SLC28A3: variants seen among roughly 807,000 people sequenced by gnomAD.
SLC28A3 encodes the protein solute carrier family 28 member 3.
A neutral mutation model predicts 84.2 loss-of-function variants in SLC28A3; 68 were observed. That is an observed-to-expected ratio of 0.81 (90% confidence interval 0.66 to 0.99). The LOEUF is 0.99. SLC28A3 is among the 50% of genes least tolerant of loss of function. SLC28A3 has a pLI of 0.00. For synonymous variants in SLC28A3, 267 were observed against 303.6 expected, an observed-to-expected ratio of 0.88 and a Z score of 1.25; for missense variants, 712 against 841.5, an observed-to-expected ratio of 0.85 and a Z score of 1.90.
the SLC28A3 span, among the ~76,000 whole-genome samples, chr9:84,357,748 T>G: frequency 6.6e-6 from 1 of 152,132 alleles, no homozygotes; most frequent in Non-Finnish European, 1.5e-5. Context: ...AAATAGCCCA[T>G]GAGGCTCAGA....
At chr9:84,298,441 C>T (rs1013662454) in intron 6 of SLC28A3, among the ~76,000 whole-genome samples, 7 of 152,088 alleles carry the variant, frequency 4.6e-5, no homozygotes, top group African/African-American at 1.2e-4. Flanking sequence ...GAGCTGAGAT[C>T]GCGCCACTTC....
At chr9:84,294,828 C>T (rs1007084087) in intron 8 of SLC28A3, among the ~76,000 whole-genome samples, 5 of 152,086 alleles carry the variant, frequency 3.3e-5, no homozygotes, top group African/African-American at 4.8e-5. Context: ...AACCTGGGAG[C>T]GGCCATTCCA....
the SLC28A3 span, among the ~76,000 whole-genome samples, chr9:84,363,940 T>C: frequency 2.6e-5 from 4 of 152,076 alleles, no homozygotes; most frequent in Admixed American, 6.6e-5. Flanking sequence ...ATTATCTTTT[T>C]TCATAGATTT....
chr9:84,292,526 G>A, intron 10 of SLC28A3, 142 bp downstream of exon 10: 1 of 572,354 alleles, frequency 1.7e-6, no homozygotes, highest in Non-Finnish European at 3.0e-6. Context: ...CTGGAATCCG[G>A]ACATTGCCAA....
chr9:84,330,953 A>G (rs189567254), intron 1 of SLC28A3, among the ~76,000 whole-genome samples: 1 of 152,264 alleles, frequency 6.6e-6, no homozygotes, highest in East Asian at 1.9e-4. Context: ...CTTTATCTAC[A>G]TTATTAATTA....
At chr9:84,283,464 G>GTACC (rs1824847938) in intron 14 of SLC28A3, among the ~76,000 whole-genome samples, 1 of 152,360 alleles carries the variant, frequency 6.6e-6, no homozygotes, top group East Asian at 1.9e-4. Context: ...ATGTGGAAAG[G>GTACC]TACCTGAGAC....
At chr9:84,290,066 CT>C in intron 11 of SLC28A3, 87 bp downstream of exon 11, 8 of 1,537,004 alleles carry the variant, frequency 5.2e-6, no homozygotes, top group South Asian at 1.2e-5. Context: ...TCTTGGCCTC[CT>C]TTTTCCACCA....
chr9:84,305,111 T>A (rs1391019570), intron 4 of SLC28A3, 143 bp downstream of exon 4: 2 of 712,408 alleles, frequency 2.8e-6, no homozygotes, highest in Non-Finnish European at 4.6e-6. Flanking sequence ...CTTGATTTAC[T>A]TCTCTACCAC....
Position 84,340,568 on chromosome 9 carries a change from G to A in SLC28A3, c.60+6C>T. 5 of 1,614,152 alleles carry A rather than the reference G, an allele frequency of 3.1e-6. No individual in the cohort carries two copies. Among genetic ancestry groups the A allele is most frequent in the South Asian group, 1.1e-5 (1 of 91,084 alleles). On this transcript the variant is annotated splice_donor_region_variant and intron_variant, in intron 1 of 17. Transcript: ENST00000376238. ...GCCTTTAACATAAGAGGAAAGCTCT[G>A]CTCACCTGGAAGCCCACGTTGCTGT...
In SLC28A3 at chr9:84,285,792, A is replaced by C. The variant is rs1824958635; in HGVS notation, c.1449+151T>G. ...AAGGAGGGGGATAGGAGACAGAGAA[A>C]AGGTGGGTGGGAAGTTGGGGGATGC... On this transcript the variant is annotated intron_variant, in intron 13 of 17. Transcript: ENST00000376238. 6 of 966,016 alleles carry C rather than the reference A, an allele frequency of 6.2e-6. No individual in the cohort carries two copies. In the East Asian group the frequency reaches 1.6e-4, roughly 25 times the overall value. The allele number at this position is 966,016 out of a possible 1,614,324, so 59.8% of individuals were successfully genotyped here.
Position 84,285,614 on chromosome 9 carries a change from A to G in SLC28A3, c.1450-72T>C, listed in dbSNP as rs1824950361. 5 of 1,456,540 alleles carry G rather than the reference A, an allele frequency of 3.4e-6. No homozygotes were observed. The Admixed American group carries it at 8.5e-5, about 25-fold the overall frequency. 90.2% of individuals were successfully genotyped at this position (1,456,540 alleles called of 1,614,324 possible). ...TCAGTTTTGCCTCCTCAGTGACAAC[A>G]CTGTTCCTGACCCCTCTGTCTCCTT... On this transcript the variant is annotated intron_variant, in intron 13 of 17. Coordinates refer to ENST00000376238, the MANE Select transcript of SLC28A3 (RefSeq NM_001199633.2).
At chr9:84,313,982 C>G (rs975398005) in intron 1 of SLC28A3, among the ~76,000 whole-genome samples, 4 of 151,986 alleles carry the variant, frequency 2.6e-5, no homozygotes, top group African/African-American at 7.3e-5. Flanking sequence ...GGACAATTGC[C>G]CTCATCTCGG....
At chr9:84,368,156 G>A in the SLC28A3 span, among the ~76,000 whole-genome samples, 9 of 152,094 alleles carry the variant, frequency 5.9e-5, no homozygotes, top group African/African-American at 1.4e-4. Flanking sequence ...ACAGTGCATC[G>A]TGTCCCTGGT....
intron 5 of SLC28A3, among the ~76,000 whole-genome samples, chr9:84,301,369 A>AAG (rs1554725714): frequency 2.0e-4 from 26 of 132,436 alleles, no homozygotes; most frequent in African/African-American, 6.6e-4. Context: ...AAAAAAAAAA[A>AAG]AAAAAGAAAA....
chr9:84,280,956 C>A, intron 14 of SLC28A3, 74 bp from the exon 15 acceptor site: 1 of 1,358,874 alleles, frequency 7.4e-7, no homozygotes, highest in South Asian at 1.2e-5. Context: ...AACTGGGCTT[C>A]ATTTTGACCA....
intron 1 of SLC28A3, among the ~76,000 whole-genome samples, chr9:84,323,494 G>A (rs553295244): frequency 2.0e-5 from 3 of 149,142 alleles, no homozygotes; most frequent in South Asian, 4.2e-4. Context: ...GCATGATCTC[G>A]GCTCACTGCA....
chr9:84,277,958 C>T lies in SLC28A3; in HGVS notation c.*260G>A. On this transcript the variant is annotated 3_prime_UTR_variant, in exon 18 of 18. Transcript: ENST00000376238. ...TTGCAAACATTAAAGTCAGAAAATC[C>T]CATTGAGACTGGAATCAACAACACC... 1 of 429,764 alleles carries T rather than the reference C, an allele frequency of 2.3e-6. No homozygotes were observed. Among genetic ancestry groups the T allele is most frequent in the South Asian group, 4.1e-5 (1 of 24,568 alleles). 26.6% of individuals were successfully genotyped at this position (429,764 alleles called of 1,614,324 possible). A position where few individuals can be genotyped will look rare whatever the true frequency, so the allele number is the denominator to read the frequency against.
At position 84,326,675 on chromosome 9, in the gene SLC28A3, CAA is replaced by C. The variant is rs1564174577; in HGVS notation, c.61-13223_61-13222del. Among the ~76,000 whole-genome samples, 35 of 118,864 alleles carry C rather than the reference CAA, an allele frequency of 2.9e-4. 1 individual carries two copies. Among genetic ancestry groups the C allele is most frequent in the African/African-American group, 8.0e-4 (28 of 34,826 alleles). 78.0% of individuals were successfully genotyped at this position (118,864 alleles called of 152,430 possible). Reference sequence around the variant, plus strand: ...ACAACAACAACAACAACAACAACAACAACAACAACCAGGTCTTACTCTCTGTT... The same window carrying C: ...ACAACAACAACAACAACAACAACAACCAACAACCAGGTCTTACTCTCTGTT... On this transcript the variant is annotated intron_variant, in intron 1 of 17. Transcript: ENST00000376238.
chr9:84,305,487 GGGAA>G, intron 3 of SLC28A3, 142 bp from the exon 4 acceptor site: 1 of 708,606 alleles, frequency 1.4e-6, no homozygotes, highest in Non-Finnish European at 2.4e-6. Flanking sequence ...AAATAGAAAT[GGGAA>G]ACTCATTTCA....
Sources: gnomAD v4.1 joint callset for allele counts (sites outside exome capture counted in the v4.1 genomes callset) on GRCh38, gnomAD v4.1.1 for gene constraint, MANE v1.5 for transcripts, NCBI Gene and HGNC (gene_info 2026-07-23, HGNC 2026-07-21) for gene names.